CLASP2: variants seen among roughly 807,000 people sequenced by gnomAD.
CLASP2 encodes the protein cytoplasmic linker associated protein 2.
CLASP2 carries 47 observed loss-of-function variants against 194.4 expected under a neutral mutation model. The observed-to-expected ratio is 0.24, with a 90% CI of 0.19 to 0.31. The LOEUF is 0.31. Among genes scored for constraint, CLASP2 ranks in the 10% least tolerant of loss-of-function variants. The pLI is 1.00. For synonymous variants in CLASP2, 619 were observed against 633.5 expected (o/e 0.98, Z 0.34); for missense variants, 1,445 against 1,823.6 (o/e 0.79, Z 3.78).
chr3:33,644,067 G>A (rs1386149812), intron 8 of CLASP2, among the ~76,000 whole-genome samples: 2 of 151,926 alleles, frequency 1.3e-5, no homozygotes, highest in East Asian at 3.8e-4. Flanking sequence ...AGATGTAGCA[G>A]AAACTAACAC....
rs937465349 is a variant in CLASP2, at chr3:33,540,111, G to C, written c.3405-1169C>G. On this transcript the variant is annotated intron_variant, in intron 32 of 38. Transcript: ENST00000682230. ...ATCAGGCTAATTTTTTGTATTTTTAGTAGAGATGGGGTTTCACCATGTTGA... is the reference window on the plus strand; with the variant it reads ...ATCAGGCTAATTTTTTGTATTTTTACTAGAGATGGGGTTTCACCATGTTGA... 6.6e-5 allele frequency among the ~76,000 whole-genome samples: 10 copies of C among 151,838 alleles called. No individual in the cohort carries two copies. In the East Asian group the frequency reaches 1.5e-3, roughly 24 times the overall value.
chr3:33,597,465 T>C (rs2070742650), intron 18 of CLASP2, among the ~76,000 whole-genome samples: 1 of 152,134 alleles, frequency 6.6e-6, no homozygotes, highest in South Asian at 2.1e-4. Flanking sequence ...ATAAGGTTAT[T>C]TTAAGTGTGT....
intron 13 of CLASP2, among the ~76,000 whole-genome samples, 190 bp from the exon 14 acceptor site, chr3:33,608,816 G>A (rs1251257904): frequency 2.1e-5 from 3 of 141,816 alleles, no homozygotes; most frequent in East Asian, 2.1e-4. Flanking sequence ...GCAGTGGCGC[G>A]ATCTCGGCTC....
chr3:33,591,469 C>T (rs2068769832), intron 21 of CLASP2, among the ~76,000 whole-genome samples: 4 of 151,524 alleles, frequency 2.6e-5, no homozygotes, highest in Non-Finnish European at 5.9e-5. Context: ...AAAAATTAGC[C>T]AGGCAGTGGC....
At chr3:33,631,696 CAA>C (rs543092852) in intron 9 of CLASP2, among the ~76,000 whole-genome samples, 14 of 107,014 alleles carry the variant, frequency 1.3e-4, no homozygotes, top group South Asian at 2.9e-4. Context: ...GACTTCATCT[CAA>C]AAAAAAAAAA....
intron 21 of CLASP2, among the ~76,000 whole-genome samples, chr3:33,586,853 C>T (rs1029974514): frequency 2.6e-5 from 4 of 151,946 alleles, no homozygotes; most frequent in Middle Eastern, 3.2e-3. Context: ...ATGGGACAAG[C>T]ACAGGATGTC....
intron 1 of CLASP2, among the ~76,000 whole-genome samples, chr3:33,711,246 A>ATT (rs71070144): frequency 2.2e-5 from 3 of 133,968 alleles, no homozygotes; most frequent in Non-Finnish European, 4.8e-5. Flanking sequence ...CCAGTATTGC[A>ATT]TTTTTTTTTT....
At chr3:33,597,530 G>A (rs1260874002) in intron 18 of CLASP2, among the ~76,000 whole-genome samples, 1 of 152,110 alleles carries the variant, frequency 6.6e-6, no homozygotes, top group Non-Finnish European at 1.5e-5. Flanking sequence ...AGCTGTTTCT[G>A]CAAACAGTGT....
chr3:33,607,130 A>C (rs1464417375), intron 15 of CLASP2, among the ~76,000 whole-genome samples: 5 of 152,248 alleles, frequency 3.3e-5, no homozygotes, highest in Non-Finnish European at 7.3e-5. Context: ...AAACTTGATA[A>C]GTGATAGTCT....
At chr3:33,607,155 A>G (rs1422214816) in intron 15 of CLASP2, among the ~76,000 whole-genome samples, 1 of 152,234 alleles carries the variant, frequency 6.6e-6, no homozygotes, top group African/African-American at 2.4e-5. Context: ...ATTCATGATG[A>G]AAGTGAATAG....
chr3:33,676,890 G>A (rs1284663391), intron 6 of CLASP2, among the ~76,000 whole-genome samples: 29 of 152,194 alleles, frequency 1.9e-4, no homozygotes, highest in South Asian at 4.1e-4. Context: ...AAAAGTGGGC[G>A]AAGGATATGA....
At position 33,635,272 on chromosome 3, in the gene CLASP2, GA is replaced by G. The variant is rs199512920; in HGVS notation, c.863-2902del. Among the ~76,000 whole-genome samples, 400 of 142,404 alleles carry G rather than the reference GA, an allele frequency of 2.8e-3. 2 individuals are homozygous for G. Among genetic ancestry groups the G allele is most frequent in the African/African-American group, 6.4e-3 (251 of 39,020 alleles). The allele number at this position is 142,404 out of a possible 152,430, so 93.4% of individuals were successfully genotyped here. A position where few individuals can be genotyped will look rare whatever the true frequency, so the allele number is the denominator to read the frequency against. ...CAGAGCGAGACTCTGTCTCAAAAAA[GA>G]AAAAAAAAAATTACAAATGAAATAA... On this transcript the variant is annotated intron_variant, in intron 8 of 38. Coordinates refer to ENST00000682230, the MANE Select transcript of CLASP2 (RefSeq NM_001365631.1).
intron 7 of CLASP2, among the ~76,000 whole-genome samples, chr3:33,647,519 C>T (rs1043752253): frequency 2.6e-5 from 4 of 152,230 alleles, no homozygotes; most frequent in Admixed American, 6.5e-5. Flanking sequence ...TAAAGGACCA[C>T]ACAGCAAATA....
intron 18 of CLASP2, among the ~76,000 whole-genome samples, chr3:33,600,824 A>G (rs1190363290): frequency 2.6e-5 from 4 of 152,210 alleles, no homozygotes; most frequent in Non-Finnish European, 4.4e-5. Context: ...ACGTTATTAA[A>G]AACATAATTA....
At chr3:33,507,910 G>A (rs1040036726) in intron 37 of CLASP2, among the ~76,000 whole-genome samples, 4 of 151,682 alleles carry the variant, frequency 2.6e-5, no homozygotes, top group Admixed American at 6.6e-5. Context: ...CGATGTTGGT[G>A]GCTACTGAAA....
At chr3:33,691,183 G>A (rs1267946397) in intron 2 of CLASP2, among the ~76,000 whole-genome samples, 4 of 152,098 alleles carry the variant, frequency 2.6e-5, no homozygotes, top group African/African-American at 9.7e-5. Context: ...GGGGGTCTTG[G>A]AACACAGCCC....
chr3:33,646,455 T>C (rs967045848), intron 7 of CLASP2, among the ~76,000 whole-genome samples: 11 of 152,126 alleles, frequency 7.2e-5, no homozygotes, highest in Non-Finnish European at 1.3e-4. Flanking sequence ...ACCTATGCAG[T>C]ACATAGACGG....
intron 18 of CLASP2, chr3:33,602,310 C>A (rs1406068641): frequency 3.9e-6 from 2 of 514,852 alleles, no homozygotes; most frequent in Non-Finnish European, 6.9e-6. Context: ...CAAAAAGTTT[C>A]AGATTTTGGA....
chr3:33,583,873 T>G (rs1276316626), intron 22 of CLASP2, among the ~76,000 whole-genome samples: 1 of 152,104 alleles, frequency 6.6e-6, no homozygotes, highest in East Asian at 1.9e-4. Flanking sequence ...AAGGACAAAG[T>G]CAGCAACATG....
Sources: allele counts gnomAD v4.1 joint callset (sites outside exome capture counted in the v4.1 genomes callset), GRCh38; gene constraint gnomAD v4.1.1; transcripts MANE v1.5; gene names NCBI Gene and HGNC (gene_info 2026-07-23, HGNC 2026-07-21).